Variants in ELMOD3 observed in about 807,000 individuals in gnomAD.
The protein encoded by ELMOD3 is ELMO domain-containing protein 3.
A neutral mutation model predicts 47.4 loss-of-function variants in ELMOD3; 36 were observed. The ratio of observed to expected loss-of-function variants is 0.76; its 90% CI spans 0.58 to 1.00. ELMOD3 has a LOEUF of 1.00. ELMOD3 is among the 50% of genes least tolerant of loss of function. The probability of loss-of-function intolerance (pLI) is 0.00; values close to 1 mark genes in which losing one functional copy is unlikely to be tolerated. For missense variants in ELMOD3, 404 were observed against 463.8 expected (o/e 0.87, Z 1.18); for synonymous variants, 149 against 183.5 (o/e 0.81, Z 1.52).
At position 85,390,801 on chromosome 2, in the gene ELMOD3, A is replaced by G. The variant is rs1445083810; in HGVS notation, c.985A>G (p.Lys329Glu). ...LAKKSPRRLL[K>E]TLELYLARVS... ...CAAGAAGAGCCCACGGCGGCTGCTC[A>G]AGACCCTGGAGCTGTACTTGGCCAG... The change falls in exon 14 of 14, where the codon AAG becomes GAG. Residue 329 changes from lysine to glutamate, a missense_variant. Lys to Glu is a moderately conservative substitution (Grantham distance 56, BLOSUM62 1). Coordinates refer to ENST00000409013, the MANE Select transcript of ELMOD3 (RefSeq NM_001135022.2). The G allele has an allele frequency of 6.4e-7, 1 of 1,551,446 alleles. No individual in the cohort carries two copies.
At position 85,360,215 on chromosome 2, in the gene ELMOD3, G is replaced by A. The variant is rs556569569; in HGVS notation, c.55-1971G>A. On this transcript the variant is annotated intron_variant, in intron 4 of 13. Transcript: ENST00000409013. Reference sequence around the variant, plus strand: ...TGGGAGGCATAGGTTGAGGTGAGCCGAGATTGCACCATTGCACTCCAGCCT... The same window carrying A: ...TGGGAGGCATAGGTTGAGGTGAGCCAAGATTGCACCATTGCACTCCAGCCT... Among the ~76,000 whole-genome samples, 8 of 136,682 alleles carry A rather than the reference G, an allele frequency of 5.9e-5. No individual in the cohort carries two copies. The East Asian group carries it at 8.9e-4, about 15-fold the overall frequency. The allele number at this position is 136,682 out of a possible 152,430, so 89.7% of individuals were successfully genotyped here. A position where few individuals can be genotyped will look rare whatever the true frequency, so the allele number is the denominator to read the frequency against.
At chr2:85,387,061 G>T (rs1046574724) in intron 11 of ELMOD3, 2 of 1,295,488 alleles carry the variant, frequency 1.5e-6, no homozygotes, top group South Asian at 2.5e-5. Flanking sequence ...TGTTAATAAT[G>T]TTGTTACCAT....
intron 11 of ELMOD3, among the ~76,000 whole-genome samples, chr2:85,377,971 A>G (rs1287803600): frequency 6.6e-6 from 1 of 152,218 alleles, no homozygotes; most frequent in African/African-American, 2.4e-5. Context: ...AAAAGAAGCA[A>G]AGGAAGAGGA....
intron 4 of ELMOD3, among the ~76,000 whole-genome samples, chr2:85,358,873 C>T (rs751965451): frequency 1.3e-4 from 20 of 152,206 alleles, no homozygotes; most frequent in Non-Finnish European, 2.8e-4. Flanking sequence ...CTACTGCTTC[C>T]TTGGGTATAA....
chr2:85,378,245 G>C (rs1001871047), intron 11 of ELMOD3, among the ~76,000 whole-genome samples: 2 of 152,032 alleles, frequency 1.3e-5, no homozygotes, highest in Non-Finnish European at 2.9e-5. Context: ...TTAATTAGAT[G>C]GGGAGGAAAG....
intron 6 of ELMOD3, among the ~76,000 whole-genome samples, chr2:85,366,003 G>A (rs1684356447): frequency 6.6e-6 from 1 of 151,856 alleles, no homozygotes; most frequent in Admixed American, 6.6e-5. Context: ...TTGGCGCCCA[G>A]GCTAGAGTGC....
At chr2:85,373,194 G>A (rs914827849) in intron 10 of ELMOD3, among the ~76,000 whole-genome samples, 9 of 150,184 alleles carry the variant, frequency 6.0e-5, no homozygotes, top group Admixed American at 6.0e-4. Flanking sequence ...GGCGGAGGAT[G>A]AACCCAAGAT....
intron 11 of ELMOD3, among the ~76,000 whole-genome samples, chr2:85,388,204 G>C (rs912165219): frequency 2.0e-5 from 3 of 152,004 alleles, no homozygotes; most frequent in Admixed American, 6.6e-5. Flanking sequence ...TGCCCAGGCT[G>C]GTCTTGAACT....
intron 4 of ELMOD3, chr2:85,357,544 C>G (rs1023147300): frequency 4.0e-6 from 1 of 249,478 alleles, no homozygotes; most frequent in South Asian, 6.6e-5. Flanking sequence ...CATTACCTTA[C>G]TAGCCTCTTC....
Position 85,390,208 on chromosome 2 carries a change from G to A in ELMOD3, c.886G>A (p.Ala296Thr), listed in dbSNP as rs1381773805. The change falls in exon 13 of 14, where the codon GCA becomes ACA. Residue 296 changes from alanine to threonine, a missense_variant. Physicochemically the swap from Ala to Thr is moderately conservative, Grantham distance 58 (BLOSUM62 0). Transcript: ENST00000409013. ...SFYAATFLHL[A>T]HVWRTQRKTI... ...CTATGCCGCCACATTCCTCCACCTC[G>A]CACATGTCTGGAGGACACAGCGGAA... is the stretch of plus-strand genomic sequence containing the variant. 4.3e-6 allele frequency: 7 copies of A among 1,614,140 alleles called. No individual in the cohort carries two copies. The highest frequency in any genetic ancestry group is 5.9e-6 in the Non-Finnish European group (7 of 1,180,024).
intron 11 of ELMOD3, among the ~76,000 whole-genome samples, chr2:85,378,361 C>G (rs976458318): frequency 6.6e-6 from 1 of 152,178 alleles, no homozygotes; most frequent in Non-Finnish European, 1.5e-5. Flanking sequence ...AACACATGCC[C>G]GTGACACAGC....
chr2:85,384,152 C>T (rs1025406076), intron 11 of ELMOD3, among the ~76,000 whole-genome samples: 11 of 152,238 alleles, frequency 7.2e-5, no homozygotes, highest in African/African-American at 2.4e-4. Context: ...GCGTTTATCT[C>T]AGTGAGCAGA....
At chr2:85,363,212 C>CA (rs1684111833) in intron 6 of ELMOD3, 46 bp downstream of exon 6, 2 of 1,052,272 alleles carry the variant, frequency 1.9e-6, no homozygotes. Context: ...GGACCCAAGT[C>CA]AGACCTTCCC....
chr2:85,367,231 G>A (rs1041845089), intron 6 of ELMOD3, among the ~76,000 whole-genome samples: 35 of 152,212 alleles, frequency 2.3e-4, no homozygotes, highest in South Asian at 4.1e-4. Context: ...AGCACGGGTT[G>A]TCAGGGTCTC....
rs1573106682 is a variant in ELMOD3, at chr2:85,369,328, A to G, written c.269-411A>G. On this transcript the variant is annotated intron_variant, in intron 7 of 13. Coordinates refer to ENST00000409013, the MANE Select transcript of ELMOD3 (RefSeq NM_001135022.2). Reference sequence around the variant, plus strand: ...CTAATCAGTTAATTCCCTATTGGCTATAACAGAGGTGTATGGTTGGGGGTT... The same window carrying G: ...CTAATCAGTTAATTCCCTATTGGCTGTAACAGAGGTGTATGGTTGGGGGTT... 2.0e-5 allele frequency among the ~76,000 whole-genome samples: 3 copies of G among 152,354 alleles called. No individual in the cohort carries two copies. The East Asian group carries it at 5.8e-4, about 29-fold the overall frequency.
At chr2:85,367,973 C>T (rs1684515114) in intron 6 of ELMOD3, among the ~76,000 whole-genome samples, 2 of 151,574 alleles carry the variant, frequency 1.3e-5, no homozygotes, top group African/African-American at 2.4e-5. Flanking sequence ...AGTGCAGTGA[C>T]ATGATCTCTG....
Position 85,371,491 on chromosome 2 carries a change from A to G in ELMOD3, c.536A>G (p.Tyr179Cys), listed in dbSNP as rs778937204. Residue 179 changes from tyrosine to cysteine, a missense_variant, in exon 10 of 14, where the codon TAT (tyrosine) becomes TGT (cysteine). Physicochemically the swap from Tyr to Cys is radical, Grantham distance 194 (BLOSUM62 -2). Transcript: ENST00000409013. ...CATGGCCGAGTCCTCCAGACCATCT[A>G]TAAGAAGCTGACCGGCTCCAAGTTT... is the stretch of plus-strand genomic sequence containing the variant. ...PVHGRVLQTI[Y>C]KKLTGSKFDC... The G allele has an allele frequency of 8.1e-6, 13 of 1,614,106 alleles. No individual in the cohort carries two copies. The highest frequency in any genetic ancestry group is 1.1e-5 in the South Asian group (1 of 91,092).
chr2:85,377,619 G>T, intron 11 of ELMOD3, 145 bp downstream of exon 11: 1 of 757,730 alleles, frequency 1.3e-6, no homozygotes, highest in Non-Finnish European at 1.9e-6. Context: ...GAGCTGTACC[G>T]CTCATTAGCT....
At chr2:85,355,035 C>T (rs1683451474) in intron 1 of ELMOD3, 41 bp from the exon 2 acceptor site, 1 of 154,342 alleles carries the variant, frequency 6.5e-6, no homozygotes, top group African/African-American at 2.4e-5. Flanking sequence ...GGACTCGCTG[C>T]CTTGAGGTGT....
Sources: gnomAD v4.1 joint callset for allele counts (sites outside exome capture counted in the v4.1 genomes callset) on GRCh38, gnomAD v4.1.1 for gene constraint, MANE v1.5 for transcripts, NCBI Gene and HGNC (gene_info 2026-07-23, HGNC 2026-07-21) for gene names.